The following TMEM179 variants were observed in gnomAD, a reference collection of about 807,000 sequenced individuals.
The protein encoded by TMEM179 is transmembrane protein 179A.
In TMEM179, 17 loss-of-function variants were observed where a neutral mutation model predicts 22.2. The observed-to-expected ratio is 0.77, with a 90% CI of 0.52 to 1.15. The LOEUF is 1.15. Ranked by LOEUF, TMEM179 falls within the 50% of genes most tolerant of loss-of-function variation. The pLI is 0.00. For synonymous variants in TMEM179, 127 were observed against 140.5 expected, an observed-to-expected ratio of 0.90 and a Z score of 0.68; for missense variants, 265 against 313.6, an observed-to-expected ratio of 0.84 and a Z score of 1.17.
At chr14:104,600,335 G>C (rs979381092) in intron 1 of TMEM179, among the ~76,000 whole-genome samples, 1 of 152,246 alleles carries the variant, frequency 6.6e-6, no homozygotes, top group African/African-American at 2.4e-5. Context: ...TGCCCTGCCA[G>C]GATGTGCCAT....
intron 3 of TMEM179, 31 bp from the exon 4 acceptor site, chr14:104,593,689 C>A: frequency 6.9e-7 from 1 of 1,440,120 alleles, no homozygotes; most frequent in South Asian, 1.5e-5. Flanking sequence ...GGGTCAGAAG[C>A]CGTTGGGGGT....
At position 104,597,124 on chromosome 14, in the gene TMEM179, G is replaced by C; in HGVS notation, c.309C>G (p.Ser103=). The C allele has an allele frequency of 6.3e-7, 1 of 1,592,432 alleles. No homozygotes were observed. The highest frequency in any genetic ancestry group is 8.5e-7 in the Non-Finnish European group (1 of 1,170,634). Residue 103 remains serine (S), a synonymous_variant, in exon 2 of 4, where the codon TCC becomes TCG. Coordinates refer to ENST00000556573, the MANE Select transcript of TMEM179 (RefSeq NM_001286389.2). The surrounding 1 kb of genome is among the most constrained non-coding windows in gnomAD (Gnocchi z 4.8). The part of the protein sequence containing the change: ...LFFLCKGHEG[S]FFSAFLNLLV... ...GGAGGTTCAGGAAGGCGGAGAAGAA[G>C]GAGCTGCAGCCAGAAACAGGAGGGG...
chr14:104,600,582 C>T (rs540315706), intron 1 of TMEM179, among the ~76,000 whole-genome samples: 1 of 146,048 alleles, frequency 6.8e-6, no homozygotes, highest in Non-Finnish European at 1.5e-5. Context: ...ATTCATTCAT[C>T]CATTCATTCA....
At position 104,591,556 on chromosome 14, in the gene TMEM179, A is replaced by G. The variant is rs1233665881; in HGVS notation, c.*1923T>C. On this transcript the variant is annotated 3_prime_UTR_variant, in exon 4 of 4. Transcript: ENST00000556573. ...CAGCTGGAAACTCAGCTGGTCCCCA[A>G]GGCCAGAGCCCCCTTGAGCTTCCAG... 3.6e-5 allele frequency: 14 copies of G among 384,920 alleles called. No individual in the cohort carries two copies. The highest frequency in any genetic ancestry group is 3.7e-4 in the Middle Eastern group (1 of 2,700). The allele number at this position is 384,920 out of a possible 1,614,324, so 23.8% of individuals were successfully genotyped here.
Position 104,597,215 on chromosome 14 carries a change from G to T in TMEM179, c.306-88C>A. 1 of 1,487,854 alleles carries T rather than the reference G, an allele frequency of 6.7e-7. No individual in the cohort carries two copies. Among genetic ancestry groups the T allele is most frequent in the Non-Finnish European group, 8.9e-7 (1 of 1,118,754 alleles). 92.2% of individuals were successfully genotyped at this position (1,487,854 alleles called of 1,614,324 possible). A position where few individuals can be genotyped will look rare whatever the true frequency, so the allele number is the denominator to read the frequency against. On this transcript the variant is annotated intron_variant, in intron 1 of 3. Coordinates refer to ENST00000556573, the MANE Select transcript of TMEM179 (RefSeq NM_001286389.2). The surrounding 1 kb of genome is among the most constrained non-coding windows in gnomAD (Gnocchi z 4.8). ...CAGGCTGCAGCCAGAAACAGGAGGG[G>T]CAGGCTCACTGGACGCCATCTCCTG... is the stretch of plus-strand genomic sequence containing the variant.
At position 104,597,623 on chromosome 14, in the gene TMEM179, G is replaced by A. The variant is rs902709975; in HGVS notation, c.306-496C>T. Among the ~76,000 whole-genome samples, 1 of 152,056 alleles carries A rather than the reference G, an allele frequency of 6.6e-6. No individual in the cohort carries two copies. The highest frequency in any genetic ancestry group is 1.5e-5 in the Non-Finnish European group (1 of 67,974). ...ATGAATGAAATGAGTGCCCTCCTAG[G>A]AGAGACCCCACCAAGCGAGCTCCCA... is the stretch of plus-strand genomic sequence containing the variant. On this transcript the variant is annotated intron_variant, in intron 1 of 3. Transcript: ENST00000556573. The surrounding 1 kb of genome is among the most constrained non-coding windows in gnomAD (Gnocchi z 4.8).
rs573313522 is a variant in TMEM179, at chr14:104,593,515, G to A, written c.666C>T (p.Arg222=). Residue 222 remains arginine, a synonymous_variant, in exon 4 of 4, where the codon CGC becomes CGT. Transcript: ENST00000556573. ...KELLLARPSP[R]TSFQEEKSAV... is the part of the protein sequence containing the mutation. ...CGCTCTTCTCCTCTTGGAAGGAGGT[G>A]CGTGGGGACGGCCGGGCCAGCAGCA... is the stretch of plus-strand genomic sequence containing the variant. 6.0e-5 allele frequency: 92 copies of A among 1,535,894 alleles called. No homozygotes were observed. The highest frequency in any genetic ancestry group is 3.6e-4 in the African/African-American group (26 of 73,172).
At chr14:104,599,690 G>A (rs1887173698) in intron 1 of TMEM179, among the ~76,000 whole-genome samples, 1 of 152,212 alleles carries the variant, frequency 6.6e-6, no homozygotes, top group African/African-American at 2.4e-5. Context: ...AGAAGGTGGT[G>A]GCGAGGCACG....
At chr14:104,600,328 C>T (rs1318020996) in intron 1 of TMEM179, among the ~76,000 whole-genome samples, 3 of 152,230 alleles carry the variant, frequency 2.0e-5, no homozygotes, top group Non-Finnish European at 4.4e-5. Context: ...CTCAGGGTGC[C>T]CTGCCAGGAT....
In TMEM179 at chr14:104,596,972, CG is replaced by C; in HGVS notation, c.443+17del. 5.7e-6 allele frequency: 8 copies of C among 1,404,480 alleles called. No homozygotes were observed. In the Middle Eastern group the frequency reaches 5.5e-4, roughly 97 times the overall value. 87.0% of individuals were successfully genotyped at this position (1,404,480 alleles called of 1,614,324 possible). ...CCGGGGAGGTGGGCGGAGGCCGAGGCGGGTGGGGCGGGCGCACCTGTGGGGT... is the reference window on the plus strand; with the variant it reads ...CCGGGGAGGTGGGCGGAGGCCGAGGCGGTGGGGCGGGCGCACCTGTGGGGT... On this transcript the variant is annotated intron_variant, in intron 2 of 3. Coordinates refer to ENST00000556573, the MANE Select transcript of TMEM179 (RefSeq NM_001286389.2).
rs1886825563 is a variant in TMEM179, at chr14:104,590,908, GA to G, written c.*2570del. 1 of 164,500 alleles carries G rather than the reference GA, an allele frequency of 6.1e-6. No homozygotes were observed. Among genetic ancestry groups the G allele is most frequent in the Non-Finnish European group, 1.3e-5 (1 of 74,828 alleles). The allele number at this position is 164,500 out of a possible 1,614,324, so 10.2% of individuals were successfully genotyped here. On this transcript the variant is annotated 3_prime_UTR_variant, in exon 4 of 4. Transcript: ENST00000556573. Reference sequence around the variant, plus strand: ...TTTCAGTTTAGCCAGAGTGGAATTAGAACAGGGATATCATTAACAGCCAGCC... The same window carrying G: ...TTTCAGTTTAGCCAGAGTGGAATTAGACAGGGATATCATTAACAGCCAGCC...
rs1596295631 is a variant in TMEM179, at chr14:104,593,960, G to A, written c.523-302C>T. Reference sequence around the variant, plus strand: ...CAGGCCGGCCAGAGGCCCCGAGGAGGGGCAGTGGCCAGTGGCGAGTGCTTT... The same window carrying A: ...CAGGCCGGCCAGAGGCCCCGAGGAGAGGCAGTGGCCAGTGGCGAGTGCTTT... On this transcript the variant is annotated intron_variant, in intron 3 of 3. Transcript: ENST00000556573. 4 of 1,013,594 alleles carry A rather than the reference G, an allele frequency of 3.9e-6. No homozygotes were observed. The East Asian group carries it at 9.9e-5, about 25-fold the overall frequency. The allele number at this position is 1,013,594 out of a possible 1,614,324, so 62.8% of individuals were successfully genotyped here.
At position 104,591,013 on chromosome 14, in the gene TMEM179, CT is replaced by C; in HGVS notation, c.*2465del. On this transcript the variant is annotated 3_prime_UTR_variant, in exon 4 of 4. Transcript: ENST00000556573. ...CCCGGGTCATGCCTGCACTTCCCAC[CT>C]TCCTGCCTGGGGAGAGGCCCAATCC... 5.0e-6 allele frequency: 1 copy of C among 200,942 alleles called. No individual in the cohort carries two copies. Among genetic ancestry groups the C allele is most frequent in the South Asian group, 7.3e-5 (1 of 13,780 alleles). The allele number at this position is 200,942 out of a possible 1,614,324, so 12.4% of individuals were successfully genotyped here. A position where few individuals can be genotyped will look rare whatever the true frequency, so the allele number is the denominator to read the frequency against.
At position 104,597,074 on chromosome 14, in the gene TMEM179, A is replaced by G. The variant is rs1052917226; in HGVS notation, c.359T>C (p.Leu120Pro). The G allele has an allele frequency of 6.2e-7, 1 of 1,608,878 alleles. No individual in the cohort carries two copies. The highest frequency in any genetic ancestry group is 1.3e-5 in the African/African-American group (1 of 74,928). ...NLLVSAFVVF[L>P]VFIASTIVSV... ...CACGATGGTGCTGGCAATGAAGACC[A>G]GGAAGACCACGAAGGCGCTGACCAG... The change falls in exon 2 of 4, where the codon CTG becomes CCG. Residue 120 changes from leucine (L) to proline (P), a missense_variant. Physicochemically the swap from Leu to Pro is moderately conservative, Grantham distance 98. Coordinates refer to ENST00000556573, the MANE Select transcript of TMEM179 (RefSeq NM_001286389.2). This position sits in a 1 kb window ranked among gnomAD's most constrained non-coding sequence, Gnocchi z 4.8.
intron 1 of TMEM179, among the ~76,000 whole-genome samples, chr14:104,599,460 C>G (rs1393457199): frequency 6.6e-6 from 1 of 152,136 alleles, no homozygotes; most frequent in Non-Finnish European, 1.5e-5. Context: ...CCCCATGAAC[C>G]CCACCACTTC....
At chr14:104,593,783 G>A (rs921472136) in intron 3 of TMEM179, 125 bp from the exon 4 acceptor site, 18 of 1,122,408 alleles carry the variant, frequency 1.6e-5, no homozygotes, top group African/African-American at 4.8e-5. Context: ...GGAGGAGGCC[G>A]GGGACATGGG....
rs908883038 is a variant in TMEM179, at chr14:104,597,260, A to ACC, written c.306-135_306-134dup. On this transcript the variant is annotated intron_variant, in intron 1 of 3. Coordinates refer to ENST00000556573, the MANE Select transcript of TMEM179 (RefSeq NM_001286389.2). The surrounding 1 kb of genome is among the most constrained non-coding windows in gnomAD (Gnocchi z 4.8). ...CTCCTGGGCAACCCCCACCAGCAGC[A>ACC]CCCCCCGGACCCTCAGGATTCCTGG... The ACC allele has an allele frequency of 8.1e-7, 1 of 1,228,278 alleles. No individual in the cohort carries two copies. The highest frequency in any genetic ancestry group is 1.5e-5 in the African/African-American group (1 of 65,180). The allele number at this position is 1,228,278 out of a possible 1,614,324, so 76.1% of individuals were successfully genotyped here.
Position 104,600,721 on chromosome 14 carries a change from T to C in TMEM179, c.306-3594A>G, listed in dbSNP as rs147829953. 1.3e-3 allele frequency among the ~76,000 whole-genome samples: 204 copies of C among 152,270 alleles called. 1 individual carries two copies. Among genetic ancestry groups the C allele is most frequent in the Middle Eastern group, 3.4e-3 (1 of 294 alleles). On this transcript the variant is annotated intron_variant, in intron 1 of 3. Transcript: ENST00000556573. ...GCTACCCCCAGACTAATTTTCACAC[T>C]TCTGGGCACGAGCTCTCAGGGCCCA...
At chr14:104,594,736 TC>T in intron 3 of TMEM179, 1 of 1,142,152 alleles carries the variant, frequency 8.8e-7, no homozygotes, top group East Asian at 4.3e-5. Context: ...TGTATCAGCT[TC>T]CCCCTGGCTA....
Sources: gnomAD v4.1 joint callset for allele counts (sites outside exome capture counted in the v4.1 genomes callset) on GRCh38, gnomAD v4.1.1 for gene constraint, Gnocchi (gnomAD v3.1) non-coding constraint, MANE v1.5 for transcripts, NCBI Gene and HGNC (gene_info 2026-07-23, HGNC 2026-07-21) for gene names.